The following MAN1C1 variants were observed in gnomAD, a reference collection of about 807,000 sequenced individuals.
MAN1C1 encodes the protein mannosyl-oligosaccharide 1,2-alpha-mannosidase IC.
A neutral mutation model predicts 71.5 loss-of-function variants in MAN1C1; 49 were observed. That is an observed-to-expected ratio of 0.69 (90% CI 0.54 to 0.87). The LOEUF is 0.87. Ranked by LOEUF, MAN1C1 falls within the 40% of genes least tolerant of loss-of-function variation. The pLI is 0.00. For synonymous variants in MAN1C1, 352 were observed against 343.7 expected, an observed-to-expected ratio of 1.02 and a Z score of -0.27; for missense variants, 743 against 835.0, an observed-to-expected ratio of 0.89 and a Z score of 1.36.
At chr1:25,646,481 T>A (rs1377184080) in intron 1 of MAN1C1, 1 of 152,254 alleles carries the variant, frequency 6.6e-6, no homozygotes, top group Admixed American at 6.5e-5. Context: ...CATTTTAAAA[T>A]GTACAACTCA....
At chr1:25,738,687 A>C (rs1423012339) in intron 2 of MAN1C1, among the ~76,000 whole-genome samples, 1 of 152,202 alleles carries the variant, frequency 6.6e-6, no homozygotes, top group East Asian at 1.9e-4. Flanking sequence ...GTTGCAATTG[A>C]TGCTGGCTGT....
chr1:25,757,534 C>A (rs558234094), intron 5 of MAN1C1, among the ~76,000 whole-genome samples: 1 of 152,312 alleles, frequency 6.6e-6, no homozygotes, highest in South Asian at 2.1e-4. Context: ...GAACCACCCC[C>A]ATTCTGCACC....
chr1:25,655,766 G>A (rs1054752442), intron 1 of MAN1C1, among the ~76,000 whole-genome samples: 2 of 152,134 alleles, frequency 1.3e-5, no homozygotes, highest in Non-Finnish European at 2.9e-5. Context: ...TTTCCTCAGG[G>A]ACTTGTTCTG....
chr1:25,695,795 G>A (rs2046362030), intron 2 of MAN1C1, among the ~76,000 whole-genome samples: 1 of 152,220 alleles, frequency 6.6e-6, no homozygotes, highest in South Asian at 2.1e-4. Context: ...AGGAGCCTTG[G>A]GTTCGTGTCC....
chr1:25,706,770 T>C (rs190736632), intron 2 of MAN1C1, among the ~76,000 whole-genome samples: 2 of 152,324 alleles, frequency 1.3e-5, no homozygotes, highest in Admixed American at 1.3e-4. Context: ...AAGACAGGCT[T>C]GTGGCCCAGA....
At chr1:25,694,308 G>A (rs1557768671) in intron 2 of MAN1C1, among the ~76,000 whole-genome samples, 1 of 152,310 alleles carries the variant, frequency 6.6e-6, no homozygotes, top group East Asian at 1.9e-4. Context: ...CTCTGTGCTT[G>A]TGTGGCCAAA....
chr1:25,690,589 C>T (rs1467994385), intron 2 of MAN1C1, among the ~76,000 whole-genome samples: 1 of 152,264 alleles, frequency 6.6e-6, no homozygotes, highest in Admixed American at 6.5e-5. Flanking sequence ...CTGCGCCCGG[C>T]GCATATCTGC....
intron 2 of MAN1C1, among the ~76,000 whole-genome samples, chr1:25,733,520 TCTC>T (rs1301242839): frequency 6.6e-6 from 1 of 152,042 alleles, no homozygotes; most frequent in African/African-American, 2.4e-5. Context: ...ACGCTGCCCA[TCTC>T]CTGGCTGTGC....
intron 1 of MAN1C1, among the ~76,000 whole-genome samples, chr1:25,685,357 C>T (rs535111282): frequency 4.6e-5 from 7 of 152,324 alleles, no homozygotes; most frequent in Admixed American, 1.3e-4. Context: ...CATCCACCTG[C>T]GCCTCAGCTC....
chr1:25,690,836 T>C (rs953439700), intron 2 of MAN1C1, among the ~76,000 whole-genome samples: 1 of 152,212 alleles, frequency 6.6e-6, no homozygotes, highest in Non-Finnish European at 1.5e-5. Flanking sequence ...GGGGGTGCTA[T>C]TATTGCCATT....
chr1:25,714,987 C>T (rs1325426097), intron 2 of MAN1C1, among the ~76,000 whole-genome samples: 4 of 152,178 alleles, frequency 2.6e-5, no homozygotes, highest in Non-Finnish European at 5.9e-5. Context: ...TTGAAAGTCA[C>T]TAGGATTAGA....
At chr1:25,628,113 G>T (rs1180245395) in intron 1 of MAN1C1, among the ~76,000 whole-genome samples, 3 of 151,712 alleles carry the variant, frequency 2.0e-5, no homozygotes, top group Non-Finnish European at 4.4e-5. Context: ...AACAGTATTG[G>T]GTCTTTCATT....
chr1:25,705,756 G>A (rs933175786), intron 2 of MAN1C1, among the ~76,000 whole-genome samples: 1 of 152,292 alleles, frequency 6.6e-6, no homozygotes. Context: ...GAAAGTCTAC[G>A]ACTTAGGGAG....
intron 1 of MAN1C1, among the ~76,000 whole-genome samples, chr1:25,624,759 C>A (rs775692922): frequency 1.3e-5 from 2 of 152,154 alleles, no homozygotes; most frequent in Non-Finnish European, 2.9e-5. Flanking sequence ...CCTCCTTCCA[C>A]CTCTGCCATC....
intron 3 of MAN1C1, among the ~76,000 whole-genome samples, chr1:25,748,188 G>A (rs2047163694): frequency 6.6e-6 from 1 of 152,188 alleles, no homozygotes; most frequent in African/African-American, 2.4e-5. Context: ...GGCAGGTGAG[G>A]AAATGTCCCT....
At chr1:25,718,972 GT>G (rs1318180090) in intron 2 of MAN1C1, among the ~76,000 whole-genome samples, 1 of 151,436 alleles carries the variant, frequency 6.6e-6, no homozygotes, top group Non-Finnish European at 1.5e-5. Flanking sequence ...CTGCCAAATT[GT>G]TTTCTAAAGA....
chr1:25,660,532 A>G (rs2045832088), intron 1 of MAN1C1, among the ~76,000 whole-genome samples: 1 of 148,568 alleles, frequency 6.7e-6, no homozygotes, highest in Non-Finnish European at 1.5e-5. Flanking sequence ...AGCTGGGACT[A>G]CAGGTGTCTG....
chr1:25,749,540 G>A (rs1356603615), intron 4 of MAN1C1, among the ~76,000 whole-genome samples: 1 of 152,198 alleles, frequency 6.6e-6, no homozygotes, highest in Admixed American at 6.5e-5. Flanking sequence ...TGCTCATCAT[G>A]GGCATGTTGC....
rs569170579 is a variant in MAN1C1, at chr1:25,778,047, C to A, written c.1258-58C>A. 2.3e-6 allele frequency: 3 copies of A among 1,298,568 alleles called. No homozygotes were observed. Among genetic ancestry groups the A allele is most frequent in the Non-Finnish European group, 3.2e-6 (3 of 941,900 alleles). 80.4% of individuals were successfully genotyped at this position (1,298,568 alleles called of 1,614,324 possible). ...AATGTTCATTTTCCATCCTTTCCCCCCCTTCTCTGTGCCCTCCCACGCCCC... is the reference window on the plus strand; with the variant it reads ...AATGTTCATTTTCCATCCTTTCCCCACCTTCTCTGTGCCCTCCCACGCCCC... On this transcript the variant is annotated intron_variant, in intron 8 of 11. Coordinates refer to ENST00000374332, the MANE Select transcript of MAN1C1 (RefSeq NM_020379.4). The surrounding 1 kb of genome is among the most constrained non-coding windows in gnomAD (Gnocchi z 5.5).
Sources: allele counts gnomAD v4.1 joint callset (sites outside exome capture counted in the v4.1 genomes callset), GRCh38; gene constraint gnomAD v4.1.1; non-coding constraint Gnocchi (gnomAD v3.1); transcripts MANE v1.5; gene names NCBI Gene and HGNC (gene_info 2026-07-23, HGNC 2026-07-21).